NSD1: variants seen among roughly 807,000 people sequenced by gnomAD.
NSD1 encodes the protein histone-lysine N-methyltransferase, H3 lysine-36 specific.
In NSD1, 26 loss-of-function variants were observed where a neutral mutation model predicts 242.7. The observed-to-expected ratio is 0.11, with a 90% CI of 0.08 to 0.15. NSD1 has a LOEUF of 0.15. Ranked by LOEUF, NSD1 falls within the 10% of genes least tolerant of loss-of-function variation. The pLI is 1.00. For missense variants in NSD1, 2,495 were observed against 3,272.8 expected (o/e 0.76, Z 5.80); for synonymous variants, 1,106 against 1,178.1 (o/e 0.94, Z 1.25).
chr5:177,153,522 G>A (rs1757895614), intron 2 of NSD1, among the ~76,000 whole-genome samples: 1 of 151,768 alleles, frequency 6.6e-6, no homozygotes, highest in African/African-American at 2.4e-5. Flanking sequence ...ATTCTTTGCT[G>A]ATGTATCTTT....
At chr5:177,191,374 A>G (rs1761682862) in intron 2 of NSD1, among the ~76,000 whole-genome samples, 1 of 152,220 alleles carries the variant, frequency 6.6e-6, no homozygotes, top group Non-Finnish European at 1.5e-5. Flanking sequence ...AGCTGGGACT[A>G]CAGGCATGTG....
chr5:177,202,338 G>A (rs376667873), intron 3 of NSD1, among the ~76,000 whole-genome samples: 1 of 151,746 alleles, frequency 6.6e-6, no homozygotes, highest in Admixed American at 6.6e-5. Flanking sequence ...TTCTCCTCAC[G>A]TTGCTGGCAC....
At chr5:177,193,858 T>C (rs1761893736) in intron 3 of NSD1, among the ~76,000 whole-genome samples, 1 of 152,078 alleles carries the variant, frequency 6.6e-6, no homozygotes. Flanking sequence ...CACTGCAACC[T>C]CTGCCTCCCG....
chr5:177,184,627 C>T (rs1209352328), intron 2 of NSD1, among the ~76,000 whole-genome samples: 3 of 152,030 alleles, frequency 2.0e-5, no homozygotes, highest in African/African-American at 7.2e-5. Flanking sequence ...CTCCCAAGCT[C>T]ACGCATCCCT....
Position 177,238,783 on chromosome 5 carries a change from G to C in NSD1, c.4192+276G>C, listed in dbSNP as rs1018737457. Among the ~76,000 whole-genome samples the C allele has an allele frequency of 6.6e-6, 1 of 152,176 alleles. No individual in the cohort carries two copies. Among genetic ancestry groups the C allele is most frequent in the Non-Finnish European group, 1.5e-5 (1 of 68,032 alleles). On this transcript the variant is annotated intron_variant, in intron 7 of 22. Transcript: ENST00000439151. The surrounding 1 kb of genome is among the most constrained non-coding windows in gnomAD (Gnocchi z 4.6). ...AGCCACTGTGTAAATTAACAACCAGGATAACAGGGCTTCAAGAGGAGTACT... is the reference window on the plus strand; with the variant it reads ...AGCCACTGTGTAAATTAACAACCAGCATAACAGGGCTTCAAGAGGAGTACT...
intron 5 of NSD1, among the ~76,000 whole-genome samples, chr5:177,228,033 T>A (rs1764769051): frequency 2.0e-5 from 3 of 151,932 alleles, no homozygotes; most frequent in Admixed American, 2.0e-4. Context: ...TGCATTGCGC[T>A]GTATGCAGCT....
At position 177,250,077 on chromosome 5, in the gene NSD1, A is replaced by G. The variant is rs114455187; in HGVS notation, c.4642-1653A>G. ...CTCCCACCTGGGTGACTGAGACCCT[A>G]TCTCACAAATAATAAATAGTAATAG... is the stretch of plus-strand genomic sequence containing the variant. On this transcript the variant is annotated intron_variant, in intron 11 of 22. Transcript: ENST00000439151. Among the ~76,000 whole-genome samples, 319 of 152,336 alleles carry G rather than the reference A, an allele frequency of 2.1e-3. 1 individual carries two copies. The highest frequency in any genetic ancestry group is 7.0e-3 in the African/African-American group (289 of 41,574).
intron 12 of NSD1, among the ~76,000 whole-genome samples, chr5:177,256,567 G>A (rs1336143725): frequency 1.3e-5 from 2 of 152,210 alleles, no homozygotes; most frequent in African/African-American, 4.8e-5. Flanking sequence ...GTAGGCGTGA[G>A]CCTCCTCTCC....
chr5:177,152,399 C>T (rs1266602414), intron 2 of NSD1, among the ~76,000 whole-genome samples: 1 of 150,746 alleles, frequency 6.6e-6, no homozygotes, highest in Non-Finnish European at 1.5e-5. Context: ...GGAACTGCAT[C>T]TCACTTTCAT....
chr5:177,211,991 G>A lies in NSD1; in HGVS notation c.3592G>A (p.Glu1198Lys), dbSNP rs374116352. 1.2e-6 allele frequency: 2 copies of A among 1,613,594 alleles called. No homozygotes were observed. The highest frequency in any genetic ancestry group is 1.7e-6 in the Non-Finnish European group (2 of 1,179,550). ...CTTACTTCCTAGTGACCCTGTGCAGGAGGGGCGGGATGAGTTTCCAGAGCA... is the reference window on the plus strand; with the variant it reads ...CTTACTTCCTAGTGACCCTGTGCAGAAGGGGCGGGATGAGTTTCCAGAGCA... ...RVLLPSDPVQ[E>K]GRDEFPEHRT... is the part of the protein sequence containing the mutation. The change falls in exon 5 of 23, where the codon GAG becomes AAG. Residue 1198 changes from glutamate to lysine, a missense_variant. Coordinates refer to ENST00000439151, the MANE Select transcript of NSD1 (RefSeq NM_022455.5).
At chr5:177,278,486 G>C (rs1187077680) in intron 17 of NSD1, among the ~76,000 whole-genome samples, 1 of 152,144 alleles carries the variant, frequency 6.6e-6, no homozygotes, top group Non-Finnish European at 1.5e-5. Flanking sequence ...AATATTAAAG[G>C]GGAGTGGGCA....
upstream of NSD1, among the ~76,000 whole-genome samples, chr5:177,132,678 G>T (rs1166844109): frequency 6.6e-6 from 1 of 152,060 alleles, no homozygotes; most frequent in Non-Finnish European, 1.5e-5. The surrounding 1 kb of genome is among the most constrained non-coding windows in gnomAD (Gnocchi z 7.5). Context: ...TGGGCTCAGC[G>T]CTGGGGTCGC....
rs1414000403 is a variant in NSD1 at position 177,298,739 on chromosome 5, G to A, written c.*3280G>A. The A allele has an allele frequency of 8.6e-6, 2 of 233,186 alleles. No individual in the cohort carries two copies. The highest frequency in any genetic ancestry group is 5.6e-5 in the Admixed American group (1 of 17,782). The allele number at this position is 233,186 out of a possible 1,614,324, so 14.4% of individuals were successfully genotyped here. On this transcript the variant is annotated 3_prime_UTR_variant, in exon 23 of 23. Transcript: ENST00000439151. The stretch of plus-strand genomic sequence containing the variant: ...CTGCTCACTGGAGCCGGACTCCCAG[G>A]TTGTAATTCTAATGTTGCCTCATGA...
chr5:177,199,202 A>G (rs565457985), intron 3 of NSD1, among the ~76,000 whole-genome samples: 9 of 152,376 alleles, frequency 5.9e-5, no homozygotes, highest in East Asian at 5.8e-4. Flanking sequence ...CTGTAGACCA[A>G]TGTAAGTGTT....
chr5:177,266,306 A>G (rs1180519032), intron 14 of NSD1: 7 of 729,256 alleles, frequency 9.6e-6, no homozygotes, highest in East Asian at 2.8e-5. Context: ...GGCTTTGACA[A>G]TCTTCACCGC....
intron 8 of NSD1, among the ~76,000 whole-genome samples, chr5:177,241,369 G>T (rs561269060): frequency 6.6e-6 from 1 of 151,484 alleles, no homozygotes; most frequent in African/African-American, 2.4e-5. Context: ...GCTGGGCGTC[G>T]TGGTACCTGC....
chr5:177,256,099 G>A (rs948189363), intron 12 of NSD1, among the ~76,000 whole-genome samples: 2 of 151,860 alleles, frequency 1.3e-5, no homozygotes, highest in Admixed American at 1.3e-4. Flanking sequence ...TTTGTCTCAG[G>A]GATGTCTTTT....
intron 2 of NSD1, among the ~76,000 whole-genome samples, chr5:177,177,424 C>T (rs548720082): frequency 7.2e-5 from 11 of 152,098 alleles, no homozygotes; most frequent in African/African-American, 1.9e-4. Flanking sequence ...GCAGGAGAAT[C>T]GCTTGAACCC....
In NSD1 at chr5:177,247,452, C is replaced by T. The variant is rs186506180; in HGVS notation, c.4497+656C>T. Among the ~76,000 whole-genome samples, 21 of 151,726 alleles carry T rather than the reference C, an allele frequency of 1.4e-4. No homozygotes were observed. In the East Asian group the frequency reaches 3.7e-3, roughly 27 times the overall value. On this transcript the variant is annotated intron_variant, in intron 10 of 22. Transcript: ENST00000439151. ...AAAAGAAAAAAATTGAGACTGCTGGCTGGGCGTTGTGGCTCATGCCACTCA... is the reference window on the plus strand; with the variant it reads ...AAAAGAAAAAAATTGAGACTGCTGGTTGGGCGTTGTGGCTCATGCCACTCA...
Sources: gnomAD v4.1 joint callset for allele counts (sites outside exome capture counted in the v4.1 genomes callset) on GRCh38, gnomAD v4.1.1 for gene constraint, Gnocchi (gnomAD v3.1) non-coding constraint, MANE v1.5 for transcripts, NCBI Gene and HGNC (gene_info 2026-07-23, HGNC 2026-07-21) for gene names.